The following VPS13C variants were observed in gnomAD, a reference collection of about 807,000 sequenced individuals.
The protein encoded by VPS13C is vacuolar protein sorting 13 homolog C, also known as intermembrane lipid transfer protein VPS13C.
Under a neutral mutation model 456.8 loss-of-function variants are expected in VPS13C, and 358 were observed. The observed-to-expected ratio is 0.78, with a 90% CI of 0.72 to 0.86. The LOEUF (loss-of-function observed/expected upper bound fraction) is 0.86. VPS13C is among the 40% of genes least tolerant of loss of function. VPS13C has a pLI of 0.00. For missense variants in VPS13C, 4,818 were observed against 4,385.4 expected (o/e 1.10, Z -2.79); for synonymous variants, 1,578 against 1,486.7 (o/e 1.06, Z -1.41).
Position 61,868,715 on chromosome 15 carries a change from C to G in VPS13C, c.10807G>C (p.Asp3603His). ...SLRPPRLIHE[D>H]GIIRPYDRQE... ...CTGTCATAAGGACGAATGATGCCAT[C>G]TTCATGGATCAGGCGAGGGGGACGG... The change falls in exon 81 of 85, where the codon GAT becomes CAT. Residue 3603 changes from aspartate to histidine, a missense_variant. Asp to His is a moderately conservative substitution (Grantham distance 81). Around this residue, in one of 3 missense-constraint regions of VPS13C, gnomAD observed 261 missense variants for 234.1 expected, o/e 1.11. Transcript: ENST00000644861. 1 of 1,614,126 alleles carries G rather than the reference C, an allele frequency of 6.2e-7. No individual in the cohort carries two copies. Among genetic ancestry groups the G allele is most frequent in the East Asian group, 2.2e-5 (1 of 44,872 alleles).
chr15:61,996,899 A>G (rs1177968586), intron 16 of VPS13C, among the ~76,000 whole-genome samples: 2 of 144,938 alleles, frequency 1.4e-5, no homozygotes, highest in African/African-American at 5.4e-5. Context: ...ACACACACAT[A>G]TATATATATT....
Position 61,954,541 on chromosome 15 carries a change from C to T in VPS13C, c.4179G>A (p.Glu1393=). ...PRVQETGEIK[E]PLEISISQDV... Reference sequence around the variant, plus strand: ...CTTGTGATATAGAGATTTCAAGGGGCTCTTTAATTTCACCTGAAATGTTTA... The same window carrying T: ...CTTGTGATATAGAGATTTCAAGGGGTTCTTTAATTTCACCTGAAATGTTTA... Residue 1393 remains glutamate, a synonymous_variant, in exon 38 of 85, where the codon GAG becomes GAA. Transcript: ENST00000644861. The T allele has an allele frequency of 1.9e-6, 3 of 1,576,394 alleles. No individual in the cohort carries two copies. The highest frequency in any genetic ancestry group is 2.8e-5 in the African/African-American group (2 of 72,708).
At chr15:61,926,458 A>C (rs2043853159) in intron 52 of VPS13C, among the ~76,000 whole-genome samples, 1 of 152,218 alleles carries the variant, frequency 6.6e-6, no homozygotes, top group Non-Finnish European at 1.5e-5. Context: ...ACATGTATAA[A>C]GACGATCCTG....
chr15:61,946,490 T>C (rs573905814), intron 43 of VPS13C, 80 bp from the exon 44 acceptor site: 12 of 978,188 alleles, frequency 1.2e-5, no homozygotes, highest in Admixed American at 2.8e-5. Context: ...AATAATATAC[T>C]GACAAGATAT....
At chr15:61,910,607 A>G (rs2043276821) in intron 63 of VPS13C, among the ~76,000 whole-genome samples, 1 of 152,124 alleles carries the variant, frequency 6.6e-6, no homozygotes, top group East Asian at 1.9e-4. Flanking sequence ...TTATTGAAAA[A>G]TTATATTTAA....
Position 61,911,996 on chromosome 15 carries a change from A to G in VPS13C, c.8559T>C (p.Val2853=). 3.1e-6 allele frequency: 5 copies of G among 1,591,042 alleles called. No homozygotes were observed. The highest frequency in any genetic ancestry group is 4.3e-6 in the Non-Finnish European group (5 of 1,168,344). ...PANNMEYLVG[V]SIKMSSFNLS... ...GGTTGAAACTGCTCATTTTGATGCT[A>G]ACACCAACCTGTGGAAAGGAAAAAA... Residue 2853 remains valine (V), a synonymous_variant, in exon 63 of 85, where the codon GTT becomes GTC. Transcript: ENST00000644861.
Position 61,858,964 on chromosome 15 carries a change from C to G in VPS13C, c.10953-2555G>C, listed in dbSNP as rs1596261372. ...CCAAACCGCCAAGGATCTTTTAAAA[C>G]TACAAGCCTCATCATATTACTTGTT... On this transcript the variant is annotated intron_variant, in intron 82 of 84. Transcript: ENST00000644861. This position sits in a 1 kb window ranked among gnomAD's most constrained non-coding sequence, Gnocchi z 4.4. Among the ~76,000 whole-genome samples, 3 of 152,200 alleles carry G rather than the reference C, an allele frequency of 2.0e-5. No homozygotes were observed. In the East Asian group the frequency reaches 5.8e-4, roughly 29 times the overall value.
intron 12 of VPS13C, among the ~76,000 whole-genome samples, chr15:62,011,566 A>G (rs1253322258): frequency 6.6e-6 from 1 of 152,048 alleles, no homozygotes. Flanking sequence ...TAAAAAACCA[A>G]TAGCTTCATT....
At chr15:61,983,706 GA>G in intron 20 of VPS13C, 113 bp downstream of exon 20, 1 of 1,194,408 alleles carries the variant, frequency 8.4e-7, no homozygotes, top group Non-Finnish European at 1.2e-6. Flanking sequence ...AACCTATTAG[GA>G]AACTTACTTA....
At chr15:62,009,304 A>T (rs1281299153) in intron 13 of VPS13C, among the ~76,000 whole-genome samples, 2 of 109,344 alleles carry the variant, frequency 1.8e-5, no homozygotes, top group Admixed American at 1.8e-4. Flanking sequence ...TAGATCTGAC[A>T]AAACAGTTCA....
chr15:61,932,677 C>T (rs776404408), intron 49 of VPS13C, among the ~76,000 whole-genome samples: 2 of 152,162 alleles, frequency 1.3e-5, no homozygotes, highest in Non-Finnish European at 2.9e-5. Flanking sequence ...CCCCTTCTCT[C>T]ACTCAAGATA....
chr15:61,856,168 C>T lies in VPS13C; in HGVS notation c.11076+118G>A, dbSNP rs543540260. 9.3e-5 allele frequency: 112 copies of T among 1,208,484 alleles called. No individual in the cohort carries two copies. In the African/African-American group the frequency reaches 1.6e-3, roughly 17 times the overall value. 74.9% of individuals were successfully genotyped at this position (1,208,484 alleles called of 1,614,324 possible). On this transcript the variant is annotated intron_variant, in intron 83 of 84. Transcript: ENST00000644861. ...AATAAATTGATTACATCTTTCTTCA[C>T]ATCTCAGCATATAGTAGTAATAACG...
At chr15:61,881,340 A>C (rs1247125036) in intron 71 of VPS13C, among the ~76,000 whole-genome samples, 1 of 152,160 alleles carries the variant, frequency 6.6e-6, no homozygotes, top group Non-Finnish European at 1.5e-5. Context: ...TTGAAGTTAT[A>C]AAGGGAAGAA....
chr15:61,961,689 T>C lies in VPS13C; in HGVS notation c.3808A>G (p.Arg1270Gly). The change falls in exon 35 of 85, where the codon AGA (arginine) becomes GGA (glycine). Residue 1270 changes from arginine to glycine, a missense_variant. Transcript: ENST00000644861. ...NAVVVDLGLIRVHNQFSLVSD... is the reference protein window; with the variant it reads ...NAVVVDLGLIGVHNQFSLVSD... ...ACCAGACTGAACTGATTATGAACTC[T>C]GATTAACCCAAGATCTACCACTACT... is the stretch of plus-strand genomic sequence containing the variant. 6.2e-7 allele frequency: 1 copy of C among 1,613,784 alleles called. No homozygotes were observed. Among genetic ancestry groups the C allele is most frequent in the South Asian group, 1.1e-5 (1 of 91,076 alleles).
Position 62,010,478 on chromosome 15 carries a change from T to G in VPS13C, c.1005A>C (p.Lys335Asn). The part of the protein sequence containing the change: ...EIQNIAIELT[K>N]PQYLSMIDLL... Reference sequence around the variant, plus strand: ...ATATCCACATGAATCATACCTGAGGTTTGGTCAGTTCAATGGCAATATTTT... The same window carrying G: ...ATATCCACATGAATCATACCTGAGGGTTGGTCAGTTCAATGGCAATATTTT... The change falls in exon 13 of 85, where the codon AAA becomes AAC. Residue 335 changes from lysine (K) to asparagine (N), a missense_variant. By Grantham distance (94) the Lys-to-Asn change is moderately conservative (BLOSUM62 0). This residue lies in a region of VPS13C where 4,552 missense variants were observed against 4,130.6 expected (regional missense o/e 1.10). Coordinates refer to ENST00000644861, the MANE Select transcript of VPS13C (RefSeq NM_020821.3). 1 of 1,606,378 alleles carries G rather than the reference T, an allele frequency of 6.2e-7. No individual in the cohort carries two copies. The highest frequency in any genetic ancestry group is 8.5e-7 in the Non-Finnish European group (1 of 1,177,048).
chr15:61,957,889 T>C (rs1374713994), intron 37 of VPS13C, among the ~76,000 whole-genome samples: 1 of 152,098 alleles, frequency 6.6e-6, no homozygotes, highest in Admixed American at 6.6e-5. Flanking sequence ...GAAGCAGATC[T>C]ATACATATCT....
rs1567047321 is a variant in VPS13C at position 61,959,432 on chromosome 15, T to C, written c.4056+16A>G. On this transcript the variant is annotated intron_variant, in intron 36 of 84. Transcript: ENST00000644861. ...AAATTTCAACAATGAAGTTTTTTCT[T>C]CACTCATATACTTACATTCATTGAA... 1 of 1,541,696 alleles carries C rather than the reference T, an allele frequency of 6.5e-7. No individual in the cohort carries two copies. Among genetic ancestry groups the C allele is most frequent in the Non-Finnish European group, 8.8e-7 (1 of 1,138,728 alleles).
At chr15:61,993,207 TA>T (rs1298935977) in intron 16 of VPS13C, among the ~76,000 whole-genome samples, 1 of 152,126 alleles carries the variant, frequency 6.6e-6, no homozygotes, top group Non-Finnish European at 1.5e-5. Context: ...CAGAAAAAGC[TA>T]AAAAGCATTT....
rs549559355 is a variant in VPS13C at position 61,868,470 on chromosome 15, A to G, written c.10863+189T>C. On this transcript the variant is annotated intron_variant, in intron 81 of 84. Coordinates refer to ENST00000644861, the MANE Select transcript of VPS13C (RefSeq NM_020821.3). ...AAAAAAAAGCTTTGCTCCCATGTAGAAAAAAAATCATCTGTAATTTCCATT... is the reference window on the plus strand; with the variant it reads ...AAAAAAAAGCTTTGCTCCCATGTAGGAAAAAAATCATCTGTAATTTCCATT... 2.0e-5 allele frequency among the ~76,000 whole-genome samples: 3 copies of G among 151,322 alleles called. No homozygotes were observed. The South Asian group carries it at 6.3e-4, about 32-fold the overall frequency.
Sources: gnomAD v4.1 joint callset for allele counts (sites outside exome capture counted in the v4.1 genomes callset) on GRCh38, gnomAD v4.1.1 for gene constraint, gnomAD v4.1.1 regional missense constraint, Gnocchi (gnomAD v3.1) non-coding constraint, MANE v1.5 for transcripts, NCBI Gene and HGNC (gene_info 2026-07-23, HGNC 2026-07-21) for gene names.